The following KIF1B variants were observed in gnomAD, a reference collection of about 807,000 sequenced individuals.
The protein encoded by KIF1B is kinesin-like protein KIF1B.
Under a neutral mutation model 241.9 loss-of-function variants are expected in KIF1B, and 76 were observed. That is an observed-to-expected ratio of 0.31 (90% CI 0.26 to 0.38). The LOEUF is 0.38. Ranked by LOEUF, KIF1B falls within the 10% of genes least tolerant of loss-of-function variation. KIF1B has a pLI of 1.00. For synonymous variants in KIF1B, 750 were observed against 796.7 expected (o/e 0.94, Z 0.99); for missense variants, 1,622 against 2,271.4 (o/e 0.71, Z 5.81).
At chr1:10,375,786 GTTTT>G (rs201620952) in intron 48 of KIF1B, among the ~76,000 whole-genome samples, 1,647 of 69,546 alleles carry the variant, frequency 0.024, 11 homozygotes, top group Admixed American at 0.063. Context: ...TTCTTTTCTT[GTTTT>G]TTTTTTTTTT....
At chr1:10,306,821 T>C (rs1296910722) in intron 22 of KIF1B, 15 of 1,031,462 alleles carry the variant, frequency 1.5e-5, no homozygotes, top group Non-Finnish European at 1.8e-5. Context: ...TTCAACTCTG[T>C]AGCAAAAATG....
intron 37 of KIF1B, among the ~76,000 whole-genome samples, chr1:10,349,942 A>G (rs558536295): frequency 8.5e-5 from 13 of 152,380 alleles, no homozygotes; most frequent in African/African-American, 3.1e-4. Context: ...GCATGAAATA[A>G]CAAGATTTAG....
At chr1:10,352,791 CACCGTTA>C in intron 38 of KIF1B, 55 bp downstream of exon 38, 1 of 1,248,772 alleles carries the variant, frequency 8.0e-7, no homozygotes, top group South Asian at 1.2e-5. Flanking sequence ...TTAATTGGTA[CACCGTTA>C]GGTGCCTTAT....
chr1:10,369,298 C>T (rs1638657493), intron 44 of KIF1B, among the ~76,000 whole-genome samples: 1 of 152,190 alleles, frequency 6.6e-6, no homozygotes, highest in Admixed American at 6.5e-5. Context: ...AGAACAATGC[C>T]TAGTACATGG....
At chr1:10,271,637 A>G in intron 8 of KIF1B, 58 bp downstream of exon 8, 3 of 1,180,900 alleles carry the variant, frequency 2.5e-6, no homozygotes, top group African/African-American at 1.5e-5. Context: ...CTGTTTTTGT[A>G]AATAAAATTT....
At position 10,337,071 on chromosome 1, in the gene KIF1B, C is replaced by T. The variant is rs745825425; in HGVS notation, c.3130-3C>T. The T allele has an allele frequency of 6.2e-7, 1 of 1,613,938 alleles. No homozygotes were observed. The highest frequency in any genetic ancestry group is 1.1e-5 in the South Asian group (1 of 91,062). Reference sequence around the variant, plus strand: ...CATGTATCTGCCCCTGCCTTTTTTTCAGAGTGACTTTTCGTCTGTTGCAAT... The same window carrying T: ...CATGTATCTGCCCCTGCCTTTTTTTTAGAGTGACTTTTCGTCTGTTGCAAT... On this transcript the variant is annotated splice_region_variant and splice_polypyrimidine_tract_variant and intron_variant, in intron 29 of 48. Transcript: ENST00000676179. This position sits in a 1 kb window ranked among gnomAD's most constrained non-coding sequence, Gnocchi z 4.0.
intron 1 of KIF1B, among the ~76,000 whole-genome samples, chr1:10,215,078 T>G (rs1646744976): frequency 6.7e-6 from 1 of 149,036 alleles, no homozygotes; most frequent in Non-Finnish European, 1.5e-5. Flanking sequence ...TGTGGTTTTT[T>G]GTATAGTGTT....
intron 15 of KIF1B, 152 bp from the exon 16 acceptor site, chr1:10,290,930 A>G: frequency 1.6e-6 from 1 of 620,284 alleles, no homozygotes; most frequent in Non-Finnish European, 2.9e-6. Context: ...AATCTTTATG[A>G]TTCTTATCTT....
At chr1:10,240,937 C>A (rs1273521721) in intron 2 of KIF1B, among the ~76,000 whole-genome samples, 3 of 152,048 alleles carry the variant, frequency 2.0e-5, no homozygotes, top group Non-Finnish European at 4.4e-5. Flanking sequence ...ATGAACCATA[C>A]TTCATTTATA....
At chr1:10,235,731 G>A (rs892062654) in intron 2 of KIF1B, among the ~76,000 whole-genome samples, 1 of 152,098 alleles carries the variant, frequency 6.6e-6, no homozygotes. Flanking sequence ...GCGTGGTGGA[G>A]TGTGCCTGTA....
At chr1:10,287,870 A>G (rs925845720) in intron 15 of KIF1B, among the ~76,000 whole-genome samples, 1 of 152,248 alleles carries the variant, frequency 6.6e-6, no homozygotes, top group African/African-American at 2.4e-5. Context: ...TATTTTTAAA[A>G]TATCTCATAT....
In KIF1B at chr1:10,303,173, C is replaced by T; in HGVS notation, c.2115+5927C>T. 1 of 1,612,352 alleles carries T rather than the reference C, an allele frequency of 6.2e-7. No homozygotes were observed. ...TTTGTTTTTCCAAAGGACGCGGATT[C>T]TGATAGCGGGGACGATTCTGACAAG... On this transcript the variant is annotated intron_variant, in intron 22 of 48. Transcript: ENST00000676179. The surrounding 1 kb of genome is among the most constrained non-coding windows in gnomAD (Gnocchi z 5.2).
chr1:10,233,472 C>T (rs1170049922), intron 2 of KIF1B, among the ~76,000 whole-genome samples: 1 of 151,664 alleles, frequency 6.6e-6, no homozygotes, highest in Non-Finnish European at 1.5e-5. Context: ...AGAGCAAGAC[C>T]CTGCTTCAAA....
intron 38 of KIF1B, among the ~76,000 whole-genome samples, chr1:10,354,823 T>A (rs969163626): frequency 6.6e-6 from 1 of 152,182 alleles, no homozygotes; most frequent in Non-Finnish European, 1.5e-5. Context: ...ATGGAAAACA[T>A]AGGTTAATAT....
chr1:10,296,594 T>G lies in KIF1B; in HGVS notation c.1790T>G (p.Leu597Ter), dbSNP rs1650275305. The change falls in exon 20 of 49, where the codon TTA becomes TGA. Residue 597 changes from leucine (L) to a stop codon, truncating the protein, a stop_gained. Transcript: ENST00000676179. LOFTEE classifies it high-confidence loss of function. ...TTGTTCCTCTTAGTTATCGTGACCT[T>G]AGAGCCCTGTGAGCGCTCAGAAACC... ...RSNSGEVIVT[L>*]EPCERSETYV... 6.2e-7 allele frequency: 1 copy of G among 1,613,452 alleles called. No homozygotes were observed. The highest frequency in any genetic ancestry group is 1.3e-5 in the African/African-American group (1 of 74,902).
intron 37 of KIF1B, among the ~76,000 whole-genome samples, chr1:10,349,637 T>TC (rs1295809039): frequency 1.5e-3 from 221 of 151,746 alleles, no homozygotes; most frequent in African/African-American, 4.9e-3. Context: ...TTTTTTTTTT[T>TC]CCAGACACAA....
rs764755025 is a variant in KIF1B at position 10,376,635 on chromosome 1, G to A, written c.*48G>A. On this transcript the variant is annotated 3_prime_UTR_variant, in exon 49 of 49. Coordinates refer to ENST00000676179, the MANE Select transcript of KIF1B (RefSeq NM_001365951.3). ...CTCGCCTTCGAGAGATAAAGAAAGC[G>A]TTACCTCTCATTTCTCTTTGTGATT... 24 of 1,542,482 alleles carry A rather than the reference G, an allele frequency of 1.6e-5. No individual in the cohort carries two copies. The highest frequency in any genetic ancestry group is 6.7e-5 in the East Asian group (3 of 44,514).
rs574498638 is a variant in KIF1B, at chr1:10,337,576, G to T, written c.3422+43G>T. 6.2e-7 allele frequency: 1 copy of T among 1,609,168 alleles called. No individual in the cohort carries two copies. On this transcript the variant is annotated intron_variant, in intron 31 of 48. Coordinates refer to ENST00000676179, the MANE Select transcript of KIF1B (RefSeq NM_001365951.3). The surrounding 1 kb of genome is among the most constrained non-coding windows in gnomAD (Gnocchi z 4.0). ...TCTGCCTCCCAGCTAGCTGCTAACC[G>T]AGGTGACATCTCTTGTGCACTGTAG...
In KIF1B at chr1:10,303,677, A is replaced by C; in HGVS notation, c.2115+6431A>C. ...ATAGACAAGCTGGAAGATATTTTGC[A>C]AGAAGTCAAAAAGCAAAATAACATG... On this transcript the variant is annotated intron_variant, in intron 22 of 48. Coordinates refer to ENST00000676179, the MANE Select transcript of KIF1B (RefSeq NM_001365951.3). The surrounding 1 kb of genome is among the most constrained non-coding windows in gnomAD (Gnocchi z 5.2). 1 of 1,614,210 alleles carries C rather than the reference A, an allele frequency of 6.2e-7. No homozygotes were observed. Among genetic ancestry groups the C allele is most frequent in the Non-Finnish European group, 8.5e-7 (1 of 1,180,038 alleles).
Sources: allele counts gnomAD v4.1 joint callset (sites outside exome capture counted in the v4.1 genomes callset), GRCh38; gene constraint gnomAD v4.1.1; non-coding constraint Gnocchi (gnomAD v3.1); transcripts MANE v1.5; gene names NCBI Gene and HGNC (gene_info 2026-07-23, HGNC 2026-07-21).